Variants in GALNT18 observed in about 807,000 individuals in gnomAD.
The protein encoded by GALNT18 is polypeptide N-acetylgalactosaminyltransferase 18.
In GALNT18, 44 loss-of-function variants were observed where a neutral mutation model predicts 69.5. The ratio of observed to expected loss-of-function variants is 0.63; its 90% CI spans 0.50 to 0.81. GALNT18 has a LOEUF of 0.81. Ranked by LOEUF, GALNT18 falls within the 40% of genes least tolerant of loss-of-function variation. The probability of loss-of-function intolerance (pLI) is 0.00; values close to 1 mark genes in which losing one functional copy is unlikely to be tolerated. For synonymous variants in GALNT18, 364 were observed against 318.2 expected (o/e 1.14, Z -1.53); for missense variants, 715 against 810.0 (o/e 0.88, Z 1.42).
intron 3 of GALNT18, among the ~76,000 whole-genome samples, chr11:11,386,913 T>C (rs1370812999): frequency 1.3e-5 from 2 of 152,128 alleles, no homozygotes; most frequent in African/African-American, 4.8e-5. Flanking sequence ...GGCTCCAGAG[T>C]ACCATCCCAG....
chr11:11,523,553 A>G lies in GALNT18; in HGVS notation c.236-74617T>C, dbSNP rs540079930. 1.2e-4 allele frequency among the ~76,000 whole-genome samples: 19 copies of G among 152,092 alleles called. No homozygotes were observed. The South Asian group carries it at 3.9e-3, about 32-fold the overall frequency. On this transcript the variant is annotated intron_variant, in intron 1 of 10. Transcript: ENST00000227756. This position sits in a 1 kb window ranked among gnomAD's most constrained non-coding sequence, Gnocchi z 4.3. ...GCTAACACAGTGAAACCCCGTCTCT[A>G]CTAAAAATACAAAAAATTAGCCAGG...
At position 11,272,972 on chromosome 11, in the gene GALNT18, G is replaced by T. The variant is rs78681391; in HGVS notation, c.1678-1682C>A. Among the ~76,000 whole-genome samples, 1,023 of 151,914 alleles carry T rather than the reference G, an allele frequency of 6.7e-3. 14 individuals carry two copies. The highest frequency in any genetic ancestry group is 0.024 in the African/African-American group (979 of 41,530). On this transcript the variant is annotated intron_variant, in intron 10 of 10. Transcript: ENST00000227756. ...GAAAGGACAGTCTTTTCAATAAATT[G>T]CCTGAGAAAATGCAAAAGAATGAAA...
At chr11:11,296,512 A>C (rs1467215334) in intron 9 of GALNT18, among the ~76,000 whole-genome samples, 1 of 152,218 alleles carries the variant, frequency 6.6e-6, no homozygotes, top group Non-Finnish European at 1.5e-5. Context: ...TGAGACAAGG[A>C]CAGCCAGGGA....
In GALNT18 at chr11:11,383,144, C is replaced by T. The variant is rs757765978; in HGVS notation, c.596-3880G>A. Among the ~76,000 whole-genome samples, 3 of 152,156 alleles carry T rather than the reference C, an allele frequency of 2.0e-5. No individual in the cohort carries two copies. The highest frequency in any genetic ancestry group is 7.2e-5 in the African/African-American group (3 of 41,456). Reference sequence around the variant, plus strand: ...CTCCTGGGAGGTCACAGGCCACTCTCCACATCCCCACGGGGAGCCTCCTCT... The same window carrying T: ...CTCCTGGGAGGTCACAGGCCACTCTTCACATCCCCACGGGGAGCCTCCTCT... On this transcript the variant is annotated intron_variant, in intron 3 of 10. Coordinates refer to ENST00000227756, the MANE Select transcript of GALNT18 (RefSeq NM_198516.3). This position sits in a 1 kb window ranked among gnomAD's most constrained non-coding sequence, Gnocchi z 5.2.
At chr11:11,477,358 A>G (rs986889700) in intron 1 of GALNT18, among the ~76,000 whole-genome samples, 1 of 152,228 alleles carries the variant, frequency 6.6e-6, no homozygotes, top group Non-Finnish European at 1.5e-5. Flanking sequence ...TGGCTCTATC[A>G]AAGAAGCTGC....
In GALNT18 at chr11:11,614,776, C is replaced by G. The variant is rs1037718240; in HGVS notation, c.235+6583G>C. On this transcript the variant is annotated intron_variant, in intron 1 of 10. Coordinates refer to ENST00000227756, the MANE Select transcript of GALNT18 (RefSeq NM_198516.3). The surrounding 1 kb of genome is among the most constrained non-coding windows in gnomAD (Gnocchi z 5.6). ...CAAAACCAGACGTGGCTCTCTGACA[C>G]TTTTCATTCTGAATTCTCCTTGAGA... Among the ~76,000 whole-genome samples the G allele has an allele frequency of 6.6e-6, 1 of 152,190 alleles. No individual in the cohort carries two copies. The highest frequency in any genetic ancestry group is 2.1e-4 in the South Asian group (1 of 4,832).
rs557397019 is a variant in GALNT18 at position 11,620,239 on chromosome 11, G to A, written c.235+1120C>T. ...CCTGCTAGGTTTACAGGGGAACCAA[G>A]CTCGGCCCTGCCCTTAAGAAGCTCA... On this transcript the variant is annotated intron_variant, in intron 1 of 10. Transcript: ENST00000227756. This position sits in a 1 kb window ranked among gnomAD's most constrained non-coding sequence, Gnocchi z 6.9. Among the ~76,000 whole-genome samples, 1 of 152,262 alleles carries A rather than the reference G, an allele frequency of 6.6e-6. No individual in the cohort carries two copies. The highest frequency in any genetic ancestry group is 1.9e-4 in the East Asian group (1 of 5,156).
chr11:11,544,616 T>C (rs1858005444), intron 1 of GALNT18, among the ~76,000 whole-genome samples: 1 of 152,208 alleles, frequency 6.6e-6, no homozygotes, highest in African/African-American at 2.4e-5. Flanking sequence ...TACATAGGTA[T>C]ACCTGTGCCA....
At chr11:11,453,126 T>C (rs946593336) in intron 1 of GALNT18, among the ~76,000 whole-genome samples, 2 of 152,102 alleles carry the variant, frequency 1.3e-5, no homozygotes, top group African/African-American at 2.4e-5. Context: ...CAGCCATGCT[T>C]GGGGACCAAG....
rs2133921654 is a variant in GALNT18 at position 11,587,919 on chromosome 11, T to C, written c.235+33440A>G. 6.6e-6 allele frequency among the ~76,000 whole-genome samples: 1 copy of C among 152,238 alleles called. No homozygotes were observed. Among genetic ancestry groups the C allele is most frequent in the East Asian group, 1.9e-4 (1 of 5,172 alleles). On this transcript the variant is annotated intron_variant, in intron 1 of 10. Transcript: ENST00000227756. This position sits in a 1 kb window ranked among gnomAD's most constrained non-coding sequence, Gnocchi z 4.4. Reference sequence around the variant, plus strand: ...GGGAGAAAGGAAGCCTTTCTACTAATTCACTAAGAGTGGCATGTCTCTACC... The same window carrying C: ...GGGAGAAAGGAAGCCTTTCTACTAACTCACTAAGAGTGGCATGTCTCTACC...
At chr11:11,597,194 A>C (rs1455396529) in intron 1 of GALNT18, among the ~76,000 whole-genome samples, 8 of 152,132 alleles carry the variant, frequency 5.3e-5, no homozygotes, top group African/African-American at 1.7e-4. Flanking sequence ...TCAGTTTGCT[A>C]CTGCTTTGTT....
intron 1 of GALNT18, among the ~76,000 whole-genome samples, chr11:11,474,732 A>G (rs1856350861): frequency 6.6e-6 from 1 of 152,248 alleles, no homozygotes; most frequent in Non-Finnish European, 1.5e-5. Context: ...TTTATTCCTC[A>G]CTGTATCAAC....
chr11:11,352,321 G>T, intron 6 of GALNT18: 3 of 1,614,050 alleles, frequency 1.9e-6, no homozygotes, highest in Non-Finnish European at 2.5e-6. Flanking sequence ...TTGAAACGTG[G>T]ATCTAATTCA....
chr11:11,614,115 C>T lies in GALNT18; in HGVS notation c.235+7244G>A, dbSNP rs981466456. Among the ~76,000 whole-genome samples the T allele has an allele frequency of 1.3e-5, 2 of 152,162 alleles. No homozygotes were observed. Among genetic ancestry groups the T allele is most frequent in the African/African-American group, 4.8e-5 (2 of 41,444 alleles). ...GAGACCCTCAAGACCCAAATCAAGA[C>T]AATAGCTTTGTATTAGTCCATTTTG... On this transcript the variant is annotated intron_variant, in intron 1 of 10. Coordinates refer to ENST00000227756, the MANE Select transcript of GALNT18 (RefSeq NM_198516.3). The surrounding 1 kb of genome is among the most constrained non-coding windows in gnomAD (Gnocchi z 5.6).
chr11:11,585,016 A>AT (rs1474093464), intron 1 of GALNT18, among the ~76,000 whole-genome samples: 1 of 152,214 alleles, frequency 6.6e-6, no homozygotes, highest in African/African-American at 2.4e-5. Context: ...TATAAATGGT[A>AT]ATATTAATGG....
rs1859958017 is a variant in GALNT18 at position 11,613,269 on chromosome 11, C to T, written c.235+8090G>A. On this transcript the variant is annotated intron_variant, in intron 1 of 10. Coordinates refer to ENST00000227756, the MANE Select transcript of GALNT18 (RefSeq NM_198516.3). The surrounding 1 kb of genome is among the most constrained non-coding windows in gnomAD (Gnocchi z 4.2). ...CTACAGGGGATCTATAAAAGGTATACAGATCCACAGAGAAGATTCCAGAAC... is the reference window on the plus strand; with the variant it reads ...CTACAGGGGATCTATAAAAGGTATATAGATCCACAGAGAAGATTCCAGAAC... Among the ~76,000 whole-genome samples the T allele has an allele frequency of 6.6e-6, 1 of 152,164 alleles. No homozygotes were observed. Among genetic ancestry groups the T allele is most frequent in the Non-Finnish European group, 1.5e-5 (1 of 68,030 alleles).
intron 1 of GALNT18, among the ~76,000 whole-genome samples, chr11:11,514,134 A>G (rs1408495182): frequency 6.6e-6 from 1 of 152,250 alleles, no homozygotes; most frequent in African/African-American, 2.4e-5. Context: ...AACCCATCCA[A>G]TGATTCCCAC....
intron 1 of GALNT18, among the ~76,000 whole-genome samples, chr11:11,490,239 AC>A (rs1856739220): frequency 3.5e-5 from 2 of 56,894 alleles, no homozygotes; most frequent in African/African-American, 5.6e-5. Flanking sequence ...TCTCTAACAC[AC>A]ACACACACAC....
Position 11,356,432 on chromosome 11 carries a change from G to A in GALNT18, c.1093-15428C>T, listed in dbSNP as rs1257371045. ...CAAAAATGGAAACAAAAGGGAGACA[G>A]AAAATGACTCTGGGGAGCTTTAACA... On this transcript the variant is annotated intron_variant, in intron 6 of 10. Coordinates refer to ENST00000227756, the MANE Select transcript of GALNT18 (RefSeq NM_198516.3). This position sits in a 1 kb window ranked among gnomAD's most constrained non-coding sequence, Gnocchi z 4.4. Among the ~76,000 whole-genome samples the A allele has an allele frequency of 6.6e-6, 1 of 152,196 alleles. No homozygotes were observed. Among genetic ancestry groups the A allele is most frequent in the Non-Finnish European group, 1.5e-5 (1 of 68,022 alleles).
Sources: allele counts gnomAD v4.1 joint callset (sites outside exome capture counted in the v4.1 genomes callset), GRCh38; gene constraint gnomAD v4.1.1; non-coding constraint Gnocchi (gnomAD v3.1); transcripts MANE v1.5; gene names NCBI Gene and HGNC (gene_info 2026-07-23, HGNC 2026-07-21).